Variants in EYS observed in about 807,000 individuals in gnomAD.
EYS encodes protein eyes shut homolog.
A neutral mutation model predicts 282.1 loss-of-function variants in EYS; 250 were observed. The ratio of observed to expected loss-of-function variants is 0.89; its 90% CI spans 0.80 to 0.98. EYS has a LOEUF of 0.98. Among genes scored for constraint, EYS ranks in the 50% least tolerant of loss-of-function variants. The pLI is 0.00. For synonymous variants in EYS, 1,355 were observed against 1,282.9 expected (o/e 1.06, Z -1.20); for missense variants, 4,016 against 3,709.0 (o/e 1.08, Z -2.15).
intron 35 of EYS, among the ~76,000 whole-genome samples, chr6:63,960,108 A>T (rs1443875254): frequency 6.6e-6 from 1 of 152,166 alleles, no homozygotes; most frequent in African/African-American, 2.4e-5. Flanking sequence ...GGAAAAGTTA[A>T]TTGAAAACTG....
At chr6:64,981,737 A>G (rs1359094440) in intron 14 of EYS, among the ~76,000 whole-genome samples, 2 of 151,370 alleles carry the variant, frequency 1.3e-5, no homozygotes, top group Non-Finnish European at 3.0e-5. Flanking sequence ...GGAATCCAAA[A>G]AGAAAAGAAA....
At chr6:65,631,292 G>T (rs1766901089) in intron 2 of EYS, among the ~76,000 whole-genome samples, 1 of 152,112 alleles carries the variant, frequency 6.6e-6, no homozygotes, top group African/African-American at 2.4e-5. Flanking sequence ...TGGGTGGTGA[G>T]TTTCAGTCCG....
chr6:65,498,400 A>C (rs927447968), intron 2 of EYS, among the ~76,000 whole-genome samples: 14 of 152,086 alleles, frequency 9.2e-5, no homozygotes, highest in Admixed American at 1.3e-4. Context: ...ATAGCAAATG[A>C]GTTAAACACA....
At chr6:63,766,513 T>C (rs966537576) in intron 40 of EYS, among the ~76,000 whole-genome samples, 2 of 152,064 alleles carry the variant, frequency 1.3e-5, no homozygotes, top group African/African-American at 4.8e-5. Context: ...GGAAAATTGC[T>C]GTGGGGATGC....
intron 2 of EYS, among the ~76,000 whole-genome samples, chr6:65,612,970 G>T (rs1040485970): frequency 6.6e-6 from 1 of 151,510 alleles, no homozygotes; most frequent in Non-Finnish European, 1.5e-5. Context: ...GCATTACTGT[G>T]TAAACAAGAT....
At position 64,469,754 on chromosome 6, in the gene EYS, T is replaced by C. The variant is rs192166620; in HGVS notation, c.5645-30402A>G. The stretch of plus-strand genomic sequence containing the variant: ...AGAGAAGACTCTACTCCTACACCTC[T>C]TGTGGAGGGCCTGACATTAGTCAGG... On this transcript the variant is annotated intron_variant, in intron 26 of 42. Coordinates refer to ENST00000503581, the MANE Select transcript of EYS (RefSeq NM_001142800.2). Among the ~76,000 whole-genome samples the C allele has an allele frequency of 6.7e-3, 1,019 of 152,184 alleles. 7 individuals are homozygous for C. Among genetic ancestry groups the C allele is most frequent in the Non-Finnish European group, 0.012 (799 of 67,970 alleles).
At chr6:64,337,399 G>T (rs1311429122) in intron 29 of EYS, among the ~76,000 whole-genome samples, 1 of 151,852 alleles carries the variant, frequency 6.6e-6, no homozygotes, top group Non-Finnish European at 1.5e-5. Flanking sequence ...ATAAATTCCT[G>T]GAAAAATACA....
At chr6:64,104,685 G>A (rs1772945843) in intron 31 of EYS, among the ~76,000 whole-genome samples, 1 of 149,424 alleles carries the variant, frequency 6.7e-6, no homozygotes, top group Admixed American at 6.7e-5. Context: ...AGATGGTAAT[G>A]TCTCTATGAA....
Position 63,989,952 on chromosome 6 carries a change from T to C in EYS, c.6835-5349A>G, listed in dbSNP as rs536670513. On this transcript the variant is annotated intron_variant, in intron 34 of 42. Transcript: ENST00000503581. ...TGATGTTATGATCAATAATTCACAGTTAATATTTGATTCTTAAGGCTTTCT... is the reference window on the plus strand; with the variant it reads ...TGATGTTATGATCAATAATTCACAGCTAATATTTGATTCTTAAGGCTTTCT... Among the ~76,000 whole-genome samples the C allele has an allele frequency of 2.6e-5, 4 of 151,662 alleles. No homozygotes were observed. In the South Asian group the frequency reaches 8.3e-4, roughly 31 times the overall value.
At chr6:63,800,629 G>T (rs891375651) in intron 37 of EYS, among the ~76,000 whole-genome samples, 1 of 151,900 alleles carries the variant, frequency 6.6e-6, no homozygotes, top group African/African-American at 2.4e-5. Context: ...TGATGAAACC[G>T]CGTCTCTATT....
chr6:65,658,487 C>A (rs187013452), intron 1 of EYS, among the ~76,000 whole-genome samples: 1 of 151,600 alleles, frequency 6.6e-6, no homozygotes, highest in East Asian at 1.9e-4. Flanking sequence ...AAGTTTATTT[C>A]TTTAAAAACT....
chr6:63,952,962 T>A (rs1765662934), intron 35 of EYS, among the ~76,000 whole-genome samples: 1 of 152,134 alleles, frequency 6.6e-6, no homozygotes, highest in Non-Finnish European at 1.5e-5. Flanking sequence ...TCCTGACAAT[T>A]CTCCCATTTT....
intron 24 of EYS, among the ~76,000 whole-genome samples, chr6:64,598,209 C>A (rs1475911952): frequency 6.6e-6 from 1 of 152,184 alleles, no homozygotes; most frequent in Admixed American, 6.5e-5. Context: ...GCCTGTAATC[C>A]CAGCACTTTG....
chr6:64,984,888 T>G (rs1473846501), intron 14 of EYS, among the ~76,000 whole-genome samples: 2 of 151,498 alleles, frequency 1.3e-5, no homozygotes, highest in Middle Eastern at 3.2e-3. Context: ...ATTATTGACT[T>G]TCAAGAATTT....
intron 2 of EYS, among the ~76,000 whole-genome samples, chr6:65,621,100 G>T (rs1289118136): frequency 2.0e-5 from 3 of 151,964 alleles, no homozygotes; most frequent in Non-Finnish European, 4.4e-5. Flanking sequence ...TCAATTCCTG[G>T]GTATCCATGT....
At chr6:64,629,064 C>T (rs1050182796) in intron 22 of EYS, among the ~76,000 whole-genome samples, 9 of 152,170 alleles carry the variant, frequency 5.9e-5, no homozygotes, top group African/African-American at 2.2e-4. Flanking sequence ...CAGAATACCA[C>T]ATTCCATTTA....
chr6:64,508,055 G>A (rs1176129622), intron 26 of EYS, among the ~76,000 whole-genome samples: 2 of 152,150 alleles, frequency 1.3e-5, no homozygotes, highest in Non-Finnish European at 2.9e-5. Flanking sequence ...GTCTGACATT[G>A]TGAATGTTTG....
chr6:63,792,224 C>T (rs918562632), intron 37 of EYS, among the ~76,000 whole-genome samples: 1 of 151,620 alleles, frequency 6.6e-6, no homozygotes, highest in Non-Finnish European at 1.5e-5. Flanking sequence ...AGCCAGGGAA[C>T]CAATCACCCA....
chr6:64,217,527 C>A (rs1184941149), intron 31 of EYS, among the ~76,000 whole-genome samples: 1 of 151,802 alleles, frequency 6.6e-6, no homozygotes, highest in East Asian at 1.9e-4. Flanking sequence ...AGACTCCGTC[C>A]CCCTGCCACC....
Sources: gnomAD v4.1 joint callset for allele counts (sites outside exome capture counted in the v4.1 genomes callset) on GRCh38, gnomAD v4.1.1 for gene constraint, MANE v1.5 for transcripts, NCBI Gene and HGNC (gene_info 2026-07-23, HGNC 2026-07-21) for gene names.